Variants in CLVS1 observed in about 807,000 individuals in gnomAD.
CLVS1 encodes the protein clavesin 1.
Under a neutral mutation model 33.1 loss-of-function variants are expected in CLVS1, and 10 were observed. The observed-to-expected ratio is 0.30, with a 90% CI of 0.19 to 0.51. CLVS1 has a LOEUF of 0.51. Among genes scored for constraint, CLVS1 ranks in the 20% least tolerant of loss-of-function variants. The pLI is 0.97. For missense variants in CLVS1, 343 were observed against 433.4 expected (o/e 0.79, Z 1.85); for synonymous variants, 163 against 166.1 (o/e 0.98, Z 0.14).
chr8:61,051,022 A>G, the CLVS1 span, among the ~76,000 whole-genome samples: 1 of 152,208 alleles, frequency 6.6e-6, no homozygotes, highest in African/African-American at 2.4e-5. Flanking sequence ...TGATCCCATC[A>G]TGAAATGGGG....
At chr8:61,281,267 G>A (rs542034460) in intron 2 of CLVS1, among the ~76,000 whole-genome samples, 1 of 152,254 alleles carries the variant, frequency 6.6e-6, no homozygotes, top group East Asian at 1.9e-4. Context: ...ACACATTTGG[G>A]GGTATTATGG....
chr8:61,363,947 C>T (rs1361198782), intron 2 of CLVS1, among the ~76,000 whole-genome samples: 1 of 152,074 alleles, frequency 6.6e-6, no homozygotes, highest in African/African-American at 2.4e-5. Flanking sequence ...CTAAGAACTC[C>T]CACATCTCTA....
rs1163424169 is a variant in CLVS1 at position 61,288,056 on chromosome 8, T to C, written c.-234T>C. On this transcript the variant is annotated 5_prime_UTR_variant, in exon 1 of 6. Transcript: ENST00000325897. ...AAATCTGAGCCCGAACCTGCCAGAATAGGGGATCTCACCCACCCAGTTCAG... is the reference window on the plus strand; with the variant it reads ...AAATCTGAGCCCGAACCTGCCAGAACAGGGGATCTCACCCACCCAGTTCAG... The C allele has an allele frequency of 2.2e-6, 1 of 455,034 alleles. No homozygotes were observed. Among genetic ancestry groups the C allele is most frequent in the Non-Finnish European group, 4.4e-6 (1 of 226,304 alleles). 28.2% of individuals were successfully genotyped at this position (455,034 alleles called of 1,614,324 possible).
chr8:61,128,915 G>A (rs1427299273), intron 1 of CLVS1, among the ~76,000 whole-genome samples: 1 of 152,210 alleles, frequency 6.6e-6, no homozygotes, highest in Admixed American at 6.5e-5. Flanking sequence ...ACTCTTTAGA[G>A]TGATTCCACT....
At chr8:61,085,520 G>T (rs1805100780) in intron 1 of CLVS1, among the ~76,000 whole-genome samples, 1 of 152,020 alleles carries the variant, frequency 6.6e-6, no homozygotes, top group African/African-American at 2.4e-5. Flanking sequence ...GAGAAAAAAA[G>T]CCCCAAGCAA....
the CLVS1 span, among the ~76,000 whole-genome samples, chr8:60,974,838 T>C: frequency 6.8e-4 from 104 of 152,312 alleles, 1 homozygote; most frequent in East Asian, 0.014. Flanking sequence ...GTGAATATTT[T>C]ATTTGTTATG....
chr8:61,107,757 T>C (rs1056054690), intron 1 of CLVS1, among the ~76,000 whole-genome samples: 1 of 152,246 alleles, frequency 6.6e-6, no homozygotes, highest in Non-Finnish European at 1.5e-5. Flanking sequence ...TGAATTGAAC[T>C]AAAATGTCAC....
intron 2 of CLVS1, among the ~76,000 whole-genome samples, chr8:61,191,501 C>T (rs994829542): frequency 6.6e-6 from 1 of 152,112 alleles, no homozygotes; most frequent in Non-Finnish European, 1.5e-5. Context: ...TCCTATTCAA[C>T]ACAGTGTTGA....
chr8:60,982,132 G>A, the CLVS1 span, among the ~76,000 whole-genome samples: 1 of 152,206 alleles, frequency 6.6e-6, no homozygotes, highest in Non-Finnish European at 1.5e-5. Context: ...GGGTCTGGCC[G>A]TAACAACAGA....
intron 2 of CLVS1, among the ~76,000 whole-genome samples, chr8:61,158,467 A>G (rs1454768914): frequency 1.3e-5 from 2 of 152,182 alleles, no homozygotes; most frequent in Non-Finnish European, 2.9e-5. Context: ...AAAGAAAGGT[A>G]AAATAAAAAT....
chr8:61,433,217 G>C lies in CLVS1; in HGVS notation c.631-20924G>C, dbSNP rs147466596. 4.6e-5 allele frequency among the ~76,000 whole-genome samples: 7 copies of C among 152,350 alleles called. No homozygotes were observed. The East Asian group carries it at 1.3e-3, about 29-fold the overall frequency. On this transcript the variant is annotated intron_variant, in intron 3 of 5. Coordinates refer to ENST00000325897, the MANE Select transcript of CLVS1 (RefSeq NM_173519.3). ...GATCCACCCACATTGGCCTCCCAAA[G>C]TGCTGGGATTACAGGCTTGAGCCAT...
At chr8:61,032,923 C>T in the CLVS1 span, among the ~76,000 whole-genome samples, 13 of 144,524 alleles carry the variant, frequency 9.0e-5, no homozygotes, top group South Asian at 2.2e-4. Flanking sequence ...GAGTTTGAGA[C>T]CAGCTTGGAC....
intron 2 of CLVS1, among the ~76,000 whole-genome samples, chr8:61,168,637 C>G (rs1337551541): frequency 1.3e-5 from 2 of 152,172 alleles, no homozygotes; most frequent in South Asian, 4.1e-4. Flanking sequence ...AATCTCCAAA[C>G]TAATGTTTCC....
chr8:61,128,881 T>TA (rs1249423296), intron 1 of CLVS1, among the ~76,000 whole-genome samples: 1 of 152,224 alleles, frequency 6.6e-6, no homozygotes, highest in Admixed American at 6.5e-5. Context: ...GAGATAAACT[T>TA]ACAGTCTTAG....
chr8:61,077,881 T>C (rs1032825646), intron 1 of CLVS1, among the ~76,000 whole-genome samples: 1 of 152,026 alleles, frequency 6.6e-6, no homozygotes, highest in African/African-American at 2.4e-5. Flanking sequence ...GCAAGCCTCG[T>C]GATGTGTGAG....
chr8:61,466,232 G>A (rs148912315), intron 5 of CLVS1, among the ~76,000 whole-genome samples: 81 of 152,314 alleles, frequency 5.3e-4, no homozygotes, highest in Non-Finnish European at 1.0e-3. Flanking sequence ...TGAGGAAAAT[G>A]CATTATTTCA....
chr8:61,121,879 T>A (rs1805878162), intron 1 of CLVS1, among the ~76,000 whole-genome samples: 1 of 152,174 alleles, frequency 6.6e-6, no homozygotes, highest in African/African-American at 2.4e-5. Context: ...TGCATGAATG[T>A]GTGAAAACTA....
At chr8:61,084,093 T>C (rs1315337623) in intron 1 of CLVS1, among the ~76,000 whole-genome samples, 1 of 152,194 alleles carries the variant, frequency 6.6e-6, no homozygotes, top group African/African-American at 2.4e-5. Flanking sequence ...ACTGAGAAGA[T>C]AGGACTAAGA....
At chr8:61,173,636 A>T (rs76798827) in intron 2 of CLVS1, among the ~76,000 whole-genome samples, 1 of 152,314 alleles carries the variant, frequency 6.6e-6, no homozygotes, top group African/African-American at 2.4e-5. Flanking sequence ...AGACCCTATG[A>T]TTATCACAGC....
Sources: allele counts gnomAD v4.1 joint callset (sites outside exome capture counted in the v4.1 genomes callset), GRCh38; gene constraint gnomAD v4.1.1; transcripts MANE v1.5; gene names NCBI Gene and HGNC (gene_info 2026-07-23, HGNC 2026-07-21).